Variants in POGZ observed in about 807,000 individuals in gnomAD.
The protein encoded by POGZ is pogo transposable element with ZNF domain.
Under a neutral mutation model 134.6 loss-of-function variants are expected in POGZ, and 17 were observed. That is an observed-to-expected ratio of 0.13 (90% CI 0.09 to 0.19). The LOEUF (loss-of-function observed/expected upper bound fraction) is 0.19. Ranked by LOEUF, POGZ falls within the 10% of genes least tolerant of loss-of-function variation. POGZ has a pLI of 1.00. For synonymous variants in POGZ, 693 were observed against 657.1 expected (o/e 1.05, Z -0.84); for missense variants, 1,306 against 1,769.7 (o/e 0.74, Z 4.70).
chr1:151,408,344 G>C, intron 14 of POGZ, 65 bp downstream of exon 14: 2 of 1,558,492 alleles, frequency 1.3e-6, no homozygotes, highest in Non-Finnish European at 1.7e-6. Context: ...AGATTGCACT[G>C]TGTATCAGGA....
At chr1:151,407,408 A>C in intron 15 of POGZ, 117 bp from the exon 16 acceptor site, 35 of 667,120 alleles carry the variant, frequency 5.2e-5, no homozygotes, top group Non-Finnish European at 6.6e-5. Context: ...CCCTAATCTC[A>C]ACCTAAGCCA....
rs1452484893 is a variant in POGZ at position 151,404,835 on chromosome 1, A to G, written c.4200T>C (p.Phe1400=). ...GESETESFYG[F]EEADLDLMEI is the part of the protein sequence containing the mutation. ...CCATCAGATCTAGGTCAGCTTCTTC[A>G]AAGCCATAGAAAGACTCGGTCTCAC... Residue 1400 remains phenylalanine (F), a synonymous_variant, in exon 19 of 19, where the codon TTT becomes TTC. Coordinates refer to ENST00000271715, the MANE Select transcript of POGZ (RefSeq NM_015100.4). The G allele has an allele frequency of 1.2e-6, 2 of 1,611,622 alleles. No individual in the cohort carries two copies. The highest frequency in any genetic ancestry group is 1.1e-5 in the South Asian group (1 of 90,860).
Position 151,406,033 on chromosome 1 carries a change from C to T in POGZ, c.3002G>A (p.Arg1001Gln), listed in dbSNP as rs775922441. The change falls in exon 19 of 19, where the codon CGA becomes CAA. Residue 1001 changes from arginine to glutamine, a missense_variant. Around this residue, in one of 10 missense-constraint regions of POGZ, gnomAD observed 214 missense variants for 255.5 expected, o/e 0.84. Transcript: ENST00000271715. ...ACGTCGAAGCCAACGGCGAATACGT[C>T]GCTGGGGATTTCGGAAGTGTTCAGC... ...QAAEHFRNPQ[R>Q]RIRRWLRRFQ... 16 of 1,614,090 alleles carry T rather than the reference C, an allele frequency of 9.9e-6. No individual in the cohort carries two copies. The highest frequency in any genetic ancestry group is 2.2e-5 in the East Asian group (1 of 44,908).
intron 3 of POGZ, 83 bp downstream of exon 3, chr1:151,440,845 A>C (rs1358352533): frequency 8.8e-7 from 1 of 1,139,654 alleles, no homozygotes; most frequent in African/African-American, 1.5e-5. Flanking sequence ...TACCTAACTA[A>C]ACAGGTAGGG....
Position 151,404,339 on chromosome 1 carries a change from T to A in POGZ, c.*463A>T. On this transcript the variant is annotated 3_prime_UTR_variant, in exon 19 of 19. Transcript: ENST00000271715. ...TTGTCTTTCCCATCTTCAGAAATGTTCTCACATTAACAATGATTAGATAGC... is the reference window on the plus strand; with the variant it reads ...TTGTCTTTCCCATCTTCAGAAATGTACTCACATTAACAATGATTAGATAGC... 1.0e-6 allele frequency: 1 copy of A among 985,534 alleles called. No homozygotes were observed. Among genetic ancestry groups the A allele is most frequent in the Non-Finnish European group, 1.2e-6 (1 of 829,570 alleles). 61.0% of individuals were successfully genotyped at this position (985,534 alleles called of 1,614,324 possible).
At chr1:151,454,361 T>C (rs1662514146) in intron 1 of POGZ, among the ~76,000 whole-genome samples, 1 of 152,226 alleles carries the variant, frequency 6.6e-6, no homozygotes, top group South Asian at 2.1e-4. Context: ...GGCTGAATAC[T>C]TAATCTGTGT....
chr1:151,422,274 A>G (rs919471359), intron 10 of POGZ, among the ~76,000 whole-genome samples: 3 of 152,152 alleles, frequency 2.0e-5, no homozygotes, highest in Admixed American at 2.0e-4. Flanking sequence ...CCTATCAATG[A>G]TATCTTAAAA....
chr1:151,420,018 AC>A (rs1177481744), intron 10 of POGZ, among the ~76,000 whole-genome samples: 1 of 151,838 alleles, frequency 6.6e-6, no homozygotes, highest in Non-Finnish European at 1.5e-5. Context: ...CCCTGTCTCT[AC>A]CCCCAAGAAA....
intron 1 of POGZ, among the ~76,000 whole-genome samples, chr1:151,443,169 G>C (rs1162415706): frequency 6.6e-6 from 1 of 152,172 alleles, no homozygotes; most frequent in Non-Finnish European, 1.5e-5. Context: ...GGATTGTTCT[G>C]CATTAATATT....
intron 10 of POGZ, among the ~76,000 whole-genome samples, chr1:151,419,133 C>T (rs1387620782): frequency 2.7e-5 from 4 of 150,750 alleles, no homozygotes; most frequent in Non-Finnish European, 5.9e-5. Flanking sequence ...GCAGGTATAT[C>T]ATTTAAGGCC....
Position 151,404,740 on chromosome 1 carries a change from G to A in POGZ, c.*62C>T. The A allele has an allele frequency of 1.3e-6, 2 of 1,503,362 alleles. No homozygotes were observed. Among genetic ancestry groups the A allele is most frequent in the Non-Finnish European group, 1.8e-6 (2 of 1,128,674 alleles). 93.1% of individuals were successfully genotyped at this position (1,503,362 alleles called of 1,614,324 possible). On this transcript the variant is annotated 3_prime_UTR_variant, in exon 19 of 19. Coordinates refer to ENST00000271715, the MANE Select transcript of POGZ (RefSeq NM_015100.4). ...ACCTGGTATGCCCCCTTTTCCCTAAGCCCCTTTACCCTCCCTCACATGTTC... is the reference window on the plus strand; with the variant it reads ...ACCTGGTATGCCCCCTTTTCCCTAAACCCCTTTACCCTCCCTCACATGTTC...
chr1:151,403,912 A>T lies in POGZ; in HGVS notation c.*890T>A, dbSNP rs2102133825. On this transcript the variant is annotated 3_prime_UTR_variant, in exon 19 of 19. Coordinates refer to ENST00000271715, the MANE Select transcript of POGZ (RefSeq NM_015100.4). ...CAAACTGGGAATGGCTTCCACCCTA[A>T]AACTGTTTGATCGCTTCAGTATCTC... 8.1e-6 allele frequency: 8 copies of T among 985,448 alleles called. No individual in the cohort carries two copies. The South Asian group carries it at 3.8e-4, about 46-fold the overall frequency. The allele number at this position is 985,448 out of a possible 1,614,324, so 61.0% of individuals were successfully genotyped here.
chr1:151,444,920 T>C (rs955621266), intron 1 of POGZ, among the ~76,000 whole-genome samples: 7 of 151,894 alleles, frequency 4.6e-5, no homozygotes, highest in African/African-American at 1.7e-4. Context: ...CCAGGGAGGA[T>C]GAGGTAGGAG....
At position 151,411,656 on chromosome 1, in the gene POGZ, T is replaced by C. The variant is rs144140159; in HGVS notation, c.1895A>G (p.Asn632Ser). 2.3e-4 allele frequency: 369 copies of C among 1,612,936 alleles called. No homozygotes were observed. Among genetic ancestry groups the C allele is most frequent in the Non-Finnish European group, 2.7e-4 (315 of 1,179,554 alleles). ...CCTCATGTAATGCTGTTGGAATGCA[T>C]TGCCATTTTTGAAGACCTTCAGGCA... ...PYCLKVFKNG[N>S]AFQQHYMRHQ... The change falls in exon 12 of 19, where the codon AAT (asparagine) becomes AGT (serine). Residue 632 changes from asparagine to serine, a missense_variant. Physicochemically the swap from Asn to Ser is conservative, Grantham distance 46. Transcript: ENST00000271715.
chr1:151,434,057 T>A (rs1659175449), intron 3 of POGZ, among the ~76,000 whole-genome samples: 1 of 152,012 alleles, frequency 6.6e-6, no homozygotes, highest in Non-Finnish European at 1.5e-5. Context: ...GCCTATAATG[T>A]CAGCACTTTG....
chr1:151,423,909 C>T (rs1352640163), intron 9 of POGZ, 40 bp downstream of exon 9: 1 of 1,463,508 alleles, frequency 6.8e-7, no homozygotes, highest in Admixed American at 1.9e-5. Context: ...TGTAAGTCTT[C>T]TCTTGTTCAA....
intron 3 of POGZ, among the ~76,000 whole-genome samples, chr1:151,438,266 G>A (rs918582004): frequency 4.0e-5 from 6 of 151,858 alleles, no homozygotes; most frequent in African/African-American, 1.2e-4. Flanking sequence ...TTACAGAACT[G>A]TATGTATTTT....
Position 151,430,792 on chromosome 1 carries a change from C to T in POGZ, c.333G>A (p.Gln111=). ...QQGGQPLILT[Q]NPAPGLGTMV... is the part of the protein sequence containing the mutation. ...TTGTGCCCAGACCTGGGGCTGGATT[C>T]TGGGTCAGGATGAGTGGCTGTCCAC... The change falls in exon 4 of 19, where the codon CAG becomes CAA. Residue 111 remains glutamine, a synonymous_variant. Transcript: ENST00000271715. The T allele has an allele frequency of 6.3e-7, 1 of 1,595,354 alleles. No individual in the cohort carries two copies. Among genetic ancestry groups the T allele is most frequent in the Non-Finnish European group, 8.5e-7 (1 of 1,172,816 alleles).
intron 3 of POGZ, among the ~76,000 whole-genome samples, chr1:151,431,369 T>C (rs1166833065): frequency 1.3e-5 from 2 of 152,254 alleles, no homozygotes; most frequent in Non-Finnish European, 2.9e-5. Context: ...TCTTTTTCCA[T>C]ATTTTAACTA....
Sources: gnomAD v4.1 joint callset for allele counts (sites outside exome capture counted in the v4.1 genomes callset) on GRCh38, gnomAD v4.1.1 for gene constraint, gnomAD v4.1.1 regional missense constraint, MANE v1.5 for transcripts, NCBI Gene and HGNC (gene_info 2026-07-23, HGNC 2026-07-21) for gene names.